Variants in TECPR2 observed in about 807,000 individuals in gnomAD.
TECPR2 encodes the protein tectonin beta-propeller repeat-containing protein 2.
TECPR2 carries 65 observed loss-of-function variants against 138.1 expected under a neutral mutation model. The observed-to-expected ratio is 0.47, with a 90% CI of 0.39 to 0.58. The LOEUF is 0.58. Ranked by LOEUF, TECPR2 falls within the 20% of genes least tolerant of loss-of-function variation. The pLI is 0.00. For missense variants in TECPR2, 1,553 were observed against 1,824.5 expected (o/e 0.85, Z 2.71); for synonymous variants, 746 against 749.8 (o/e 0.99, Z 0.08).
chr14:102,444,501 G>A (rs540658695), intron 12 of TECPR2, among the ~76,000 whole-genome samples: 32 of 151,860 alleles, frequency 2.1e-4, no homozygotes, highest in South Asian at 6.3e-4. Context: ...TGCCTGGCCC[G>A]ATCTCTGAAC....
chr14:102,400,261 G>A (rs903566038), intron 2 of TECPR2, among the ~76,000 whole-genome samples: 1 of 152,048 alleles, frequency 6.6e-6, no homozygotes, highest in African/African-American at 2.4e-5. Context: ...GGCCGGGCTG[G>A]TGTTAAACTC....
intron 9 of TECPR2, among the ~76,000 whole-genome samples, chr14:102,437,464 G>A (rs1889698536): frequency 1.3e-5 from 2 of 151,958 alleles, no homozygotes; most frequent in Non-Finnish European, 2.9e-5. Context: ...GGAGAATTGC[G>A]ACTTGCTTGA....
intron 1 of TECPR2, among the ~76,000 whole-genome samples, chr14:102,376,351 A>C (rs1887638635): frequency 6.6e-6 from 1 of 152,064 alleles, no homozygotes; most frequent in South Asian, 2.1e-4. Context: ...TCACTATTTC[A>C]TCTGCCTCCC....
rs1032916799 is a variant in TECPR2 at position 102,497,646 on chromosome 14, G to A, written c.4008G>A (p.Arg1336=). 4 of 1,609,308 alleles carry A rather than the reference G, an allele frequency of 2.5e-6. No individual in the cohort carries two copies. The South Asian group carries it at 3.3e-5, about 13-fold the overall frequency. ...GTCCAAACGGAGACCTCGCCCGGCG[G>A]TACGGCGTCACAGACAAGAACCCCG... ...ARCPNGDLAR[R]YGVTDKNPAG... The change falls in exon 19 of 20, where the codon CGG becomes CGA. Residue 1336 remains arginine, a synonymous_variant. Coordinates refer to ENST00000359520, the MANE Select transcript of TECPR2 (RefSeq NM_014844.5).
intron 16 of TECPR2, among the ~76,000 whole-genome samples, chr14:102,463,357 C>A (rs1890458272): frequency 7.2e-6 from 1 of 139,334 alleles, no homozygotes; most frequent in African/African-American, 2.7e-5. Flanking sequence ...GCGGAGCTTG[C>A]AGTGAGCCGA....
At chr14:102,441,304 A>C (rs1889823751) in intron 11 of TECPR2, among the ~76,000 whole-genome samples, 1 of 151,364 alleles carries the variant, frequency 6.6e-6, no homozygotes, top group East Asian at 2.0e-4. Context: ...TTCTGACCTC[A>C]AGTGATCTGC....
At chr14:102,368,691 G>A (rs1264538850) in intron 1 of TECPR2, among the ~76,000 whole-genome samples, 1 of 151,778 alleles carries the variant, frequency 6.6e-6, no homozygotes, top group Non-Finnish European at 1.5e-5. Flanking sequence ...GAGCACAAGC[G>A]TTTTTCATTT....
chr14:102,464,374 C>A (rs1595139640), intron 16 of TECPR2, among the ~76,000 whole-genome samples: 1 of 152,028 alleles, frequency 6.6e-6, no homozygotes, highest in East Asian at 1.9e-4. Context: ...AATGAAGATT[C>A]TTTGGGAGAC....
At chr14:102,369,100 A>G (rs889366776) in intron 1 of TECPR2, among the ~76,000 whole-genome samples, 8 of 152,150 alleles carry the variant, frequency 5.3e-5, no homozygotes, top group Non-Finnish European at 1.2e-4. Context: ...GAGTGTGCCA[A>G]GGAGATGGTC....
At chr14:102,441,714 C>A (rs1305680949) in intron 11 of TECPR2, among the ~76,000 whole-genome samples, 1 of 151,978 alleles carries the variant, frequency 6.6e-6, no homozygotes, top group Admixed American at 6.6e-5. Flanking sequence ...ACAAAAATAG[C>A]AGTTCAGCAA....
At chr14:102,429,013 A>G (rs1480945566) in intron 7 of TECPR2, among the ~76,000 whole-genome samples, 3 of 151,974 alleles carry the variant, frequency 2.0e-5, no homozygotes, top group Non-Finnish European at 4.4e-5. Context: ...ATGCCAGGCT[A>G]ATTTTGTATT....
At chr14:102,465,090 T>C in intron 16 of TECPR2, 51 bp from the exon 17 acceptor site, 2 of 1,584,396 alleles carry the variant, frequency 1.3e-6, no homozygotes, top group Non-Finnish European at 1.7e-6. Flanking sequence ...GATGAAAGAA[T>C]AGTCATTGTA....
At chr14:102,393,759 C>T (rs1888242804) in intron 2 of TECPR2, among the ~76,000 whole-genome samples, 1 of 152,116 alleles carries the variant, frequency 6.6e-6, no homozygotes, top group African/African-American at 2.4e-5. Context: ...GGGGTTTCTC[C>T]ATGTGGGCCA....
intron 16 of TECPR2, among the ~76,000 whole-genome samples, chr14:102,464,869 G>A (rs2139771172): frequency 6.6e-6 from 1 of 152,302 alleles, no homozygotes; most frequent in Non-Finnish European, 1.5e-5. Context: ...TTTGCCTGTT[G>A]CCTGGAAGGG....
chr14:102,398,664 G>T (rs1435286429), intron 2 of TECPR2, among the ~76,000 whole-genome samples: 1 of 151,776 alleles, frequency 6.6e-6, no homozygotes, highest in African/African-American at 2.4e-5. Flanking sequence ...GCTCAGCCTG[G>T]GCAATATAGT....
At chr14:102,378,267 T>C (rs1346406058) in intron 2 of TECPR2, among the ~76,000 whole-genome samples, 1 of 152,238 alleles carries the variant, frequency 6.6e-6, no homozygotes, top group East Asian at 1.9e-4. Context: ...GTATTCAATA[T>C]ATTAAAGTTT....
At position 102,499,664 on chromosome 14, in the gene TECPR2, C is replaced by T. The variant is rs973541285; in HGVS notation, c.*1407C>T. ...TGCCCACCCCGCCCACTGGCATCTGCGTGTGAGGGCTAGGCCGCCCTGCCA... is the reference window on the plus strand; with the variant it reads ...TGCCCACCCCGCCCACTGGCATCTGTGTGTGAGGGCTAGGCCGCCCTGCCA... On this transcript the variant is annotated 3_prime_UTR_variant, in exon 20 of 20. Transcript: ENST00000359520. The T allele has an allele frequency of 4.1e-5, 8 of 194,334 alleles. No individual in the cohort carries two copies. Among genetic ancestry groups the T allele is most frequent in the African/African-American group, 1.4e-4 (6 of 42,828 alleles). The allele number at this position is 194,334 out of a possible 1,614,324, so 12.0% of individuals were successfully genotyped here.
intron 5 of TECPR2, among the ~76,000 whole-genome samples, chr14:102,416,260 T>A (rs1034826701): frequency 5.9e-5 from 9 of 152,186 alleles, no homozygotes; most frequent in Admixed American, 5.9e-4. Context: ...TAGCTGAGAT[T>A]ACAGGCATGT....
Position 102,438,086 on chromosome 14 carries a change from A to G in TECPR2, c.2459A>G (p.Glu820Gly). The change falls in exon 10 of 20, where the codon GAG becomes GGG. Residue 820 changes from glutamate (E) to glycine (G), a missense_variant. By Grantham distance (98) the Glu-to-Gly change is moderately conservative. Transcript: ENST00000359520. ...GGCATCCTCAGCTTGGTGGTCTCCG[A>G]GAAGTATATCTGGTGCCTGGACTAC... ...GYGILSLVVS[E>G]KYIWCLDYKG... 6.2e-7 allele frequency: 1 copy of G among 1,614,042 alleles called. No individual in the cohort carries two copies.
Sources: gnomAD v4.1 joint callset for allele counts (sites outside exome capture counted in the v4.1 genomes callset) on GRCh38, gnomAD v4.1.1 for gene constraint, MANE v1.5 for transcripts, NCBI Gene and HGNC (gene_info 2026-07-23, HGNC 2026-07-21) for gene names.